The following CUL4A variants were observed in gnomAD, a reference collection of about 807,000 sequenced individuals.
CUL4A encodes the protein cullin-4A.
CUL4A carries 16 observed loss-of-function variants against 95.5 expected under a neutral mutation model. The ratio of observed to expected loss-of-function variants is 0.17; its 90% CI spans 0.11 to 0.25. The LOEUF (loss-of-function observed/expected upper bound fraction) is 0.25. CUL4A is among the 10% of genes least tolerant of loss of function. The probability of loss-of-function intolerance (pLI) is 1.00; values close to 1 mark genes in which losing one functional copy is unlikely to be tolerated. For synonymous variants in CUL4A, 380 were observed against 353.1 expected, an observed-to-expected ratio of 1.08 and a Z score of -0.85; for missense variants, 610 against 937.0, an observed-to-expected ratio of 0.65 and a Z score of 4.56.
chr13:113,229,098 G>A (rs553884464), intron 4 of CUL4A, among the ~76,000 whole-genome samples: 16 of 152,224 alleles, frequency 1.1e-4, no homozygotes, highest in African/African-American at 3.4e-4. Flanking sequence ...CAGCCTGGGC[G>A]ACAGAGCGAG....
Position 113,246,078 on chromosome 13 carries a change from A to G in CUL4A, c.1638+15A>G, listed in dbSNP as rs1010408908. 6.3e-6 allele frequency: 10 copies of G among 1,595,404 alleles called. No homozygotes were observed. Among genetic ancestry groups the G allele is most frequent in the Non-Finnish European group, 8.6e-6 (10 of 1,164,176 alleles). On this transcript the variant is annotated intron_variant, in intron 15 of 19. Transcript: ENST00000375440. The stretch of plus-strand genomic sequence containing the variant: ...TAACCCCAGAAGTAAGTGTGCAGAA[A>G]GCATGCTGTCCGCTCCCGCTGTCAT...
chr13:113,232,050 C>CGCCCACCACCATTACTGCTGCCACTACCT, intron 5 of CUL4A, among the ~76,000 whole-genome samples: 2 of 84,702 alleles, frequency 2.4e-5, no homozygotes. Flanking sequence ...CACCACTACC[C>CGCCCACCACCATTACTGCTGCCACTACCT]GCCCACCACC....
At chr13:113,235,017 C>T (rs774936446) in intron 7 of CUL4A, 46 bp from the exon 8 acceptor site, 7 of 1,360,334 alleles carry the variant, frequency 5.1e-6, no homozygotes, top group South Asian at 4.9e-5. Context: ...TGGATAGTGT[C>T]GACATTCTTT....
chr13:113,258,191 A>G (rs1482648594), intron 18 of CUL4A, among the ~76,000 whole-genome samples: 1 of 152,028 alleles, frequency 6.6e-6, no homozygotes, highest in East Asian at 1.9e-4. Context: ...AGGCCTTGCC[A>G]TGTTACCCAG....
In CUL4A at chr13:113,254,880, G is replaced by A; in HGVS notation, c.1859-73G>A. 1.9e-6 allele frequency: 3 copies of A among 1,592,080 alleles called. No homozygotes were observed. The South Asian group carries it at 3.4e-5, about 18-fold the overall frequency. On this transcript the variant is annotated intron_variant, in intron 17 of 19. Coordinates refer to ENST00000375440, the MANE Select transcript of CUL4A (RefSeq NM_001008895.4). ...TTTAAGATAAGACATAGACTTGGTA[G>A]CATGATTGGTTTACTGTTGTTGAGT...
At chr13:113,225,683 G>A (rs6577035) in intron 3 of CUL4A, among the ~76,000 whole-genome samples, 32,556 of 152,196 alleles carry the variant, frequency 0.21, 3,984 homozygotes, top group South Asian at 0.43. Flanking sequence ...CCGCAGAGAG[G>A]CTTGCTGGGA....
intron 3 of CUL4A, among the ~76,000 whole-genome samples, chr13:113,227,671 T>A (rs532100050): frequency 6.6e-6 from 1 of 152,194 alleles, no homozygotes; most frequent in Non-Finnish European, 1.5e-5. Flanking sequence ...TTTGGGAGGC[T>A]GAGGCCAGTG....
At chr13:113,243,686 A>G (rs1210019047) in intron 11 of CUL4A, among the ~76,000 whole-genome samples, 1 of 152,086 alleles carries the variant, frequency 6.6e-6, no homozygotes, top group East Asian at 1.9e-4. Flanking sequence ...AAGATGGAAC[A>G]TGGAGCTCAT....
intron 15 of CUL4A, among the ~76,000 whole-genome samples, chr13:113,250,035 G>A (rs1012081437): frequency 6.6e-6 from 1 of 152,136 alleles, no homozygotes; most frequent in African/African-American, 2.4e-5. Context: ...CTCCCATTCT[G>A]TGGGCTATCT....
intron 12 of CUL4A, 96 bp from the exon 13 acceptor site, chr13:113,244,853 A>C (rs2041817387): frequency 7.3e-6 from 6 of 817,292 alleles, no homozygotes; most frequent in Non-Finnish European, 9.8e-6. Context: ...AAAAAAAAAA[A>C]ACACTTTTAA....
chr13:113,251,460 G>T (rs943420617), intron 15 of CUL4A, among the ~76,000 whole-genome samples: 1 of 152,156 alleles, frequency 6.6e-6, no homozygotes. Context: ...TGGTGAGCTC[G>T]TGGGAGAGGA....
chr13:113,233,352 T>C lies in CUL4A; in HGVS notation c.675+13T>C. On this transcript the variant is annotated intron_variant, in intron 6 of 19. Transcript: ENST00000375440. ...GTCTGACCTGCAGGTGAGTGCTGCC[T>C]GTGCGGAAGATACCTGGGTACCTGC... is the stretch of plus-strand genomic sequence containing the variant. The C allele has an allele frequency of 6.2e-7, 1 of 1,608,966 alleles. No individual in the cohort carries two copies. The highest frequency in any genetic ancestry group is 8.5e-7 in the Non-Finnish European group (1 of 1,178,092).
intron 5 of CUL4A, 120 bp downstream of exon 5, chr13:113,229,639 C>A: frequency 1.3e-6 from 1 of 790,406 alleles, no homozygotes; most frequent in Non-Finnish European, 2.1e-6. Context: ...TTCCTTTCTT[C>A]AGCCAAAATC....
In CUL4A at chr13:113,264,177, AAGTC is replaced by A. The variant is rs1939504048; in HGVS notation, c.*598_*601del. 6.6e-6 allele frequency: 1 copy of A among 152,184 alleles called. No individual in the cohort carries two copies. The highest frequency in any genetic ancestry group is 6.5e-5 in the Admixed American group (1 of 15,280). The allele number at this position is 152,184 out of a possible 1,614,324, so 9.4% of individuals were successfully genotyped here. On this transcript the variant is annotated 3_prime_UTR_variant, in exon 20 of 20. Transcript: ENST00000375440. ...TAAACTTTGATGGCTGATTTTTCGTAAGTCAGGTTTCTAAGTGAGCTCCCTGAGG... is the reference window on the plus strand; with the variant it reads ...TAAACTTTGATGGCTGATTTTTCGTAAGGTTTCTAAGTGAGCTCCCTGAGG...
At chr13:113,213,764 C>T (rs2040539623) in intron 2 of CUL4A, among the ~76,000 whole-genome samples, 1 of 152,220 alleles carries the variant, frequency 6.6e-6, no homozygotes, top group Admixed American at 6.5e-5. Flanking sequence ...ATGACAGTCA[C>T]TGGTTCCTCC....
chr13:113,215,504 C>T (rs906491080), intron 2 of CUL4A, among the ~76,000 whole-genome samples: 2 of 148,436 alleles, frequency 1.3e-5, no homozygotes, highest in African/African-American at 5.0e-5. Flanking sequence ...TGTTGTGTGA[C>T]TATGGAGGTC....
Position 113,260,510 on chromosome 13 carries a change from A to G in CUL4A, c.2032-97A>G, listed in dbSNP as rs550331947. On this transcript the variant is annotated intron_variant, in intron 18 of 19. Transcript: ENST00000375440. ...GGTTGCAGTGAGCCGAGATCACACC[A>G]TTGCACTCTAGCCCAGGCAACTGAG... is the stretch of plus-strand genomic sequence containing the variant. 31 of 1,105,352 alleles carry G rather than the reference A, an allele frequency of 2.8e-5. No homozygotes were observed. The African/African-American group carries it at 4.3e-4, about 15-fold the overall frequency. 68.5% of individuals were successfully genotyped at this position (1,105,352 alleles called of 1,614,324 possible). A position where few individuals can be genotyped will look rare whatever the true frequency, so the allele number is the denominator to read the frequency against.
chr13:113,226,287 G>A (rs904237090), intron 3 of CUL4A, among the ~76,000 whole-genome samples: 1 of 152,250 alleles, frequency 6.6e-6, no homozygotes, highest in Admixed American at 6.5e-5. Context: ...CTGCACGGCA[G>A]AAACAGACCT....
intron 9 of CUL4A, 47 bp from the exon 10 acceptor site, chr13:113,239,386 T>C: frequency 6.7e-7 from 1 of 1,499,890 alleles, no homozygotes; most frequent in Non-Finnish European, 9.3e-7. Context: ...GAGTTGTTGT[T>C]AATGCTGCCC....
Sources: allele counts gnomAD v4.1 joint callset (sites outside exome capture counted in the v4.1 genomes callset), GRCh38; gene constraint gnomAD v4.1.1; transcripts MANE v1.5; gene names NCBI Gene and HGNC (gene_info 2026-07-23, HGNC 2026-07-21).